The following CASS4 variants were observed in gnomAD, a reference collection of about 807,000 sequenced individuals.
CASS4 encodes the protein Cas scaffold protein family member 4, also known as cas scaffolding protein family member 4.
In CASS4, 22 loss-of-function variants were observed where a neutral mutation model predicts 54.2. The ratio of observed to expected loss-of-function variants is 0.41; its 90% CI spans 0.29 to 0.58. The LOEUF (loss-of-function observed/expected upper bound fraction) is 0.58. CASS4 is among the 20% of genes least tolerant of loss of function. The pLI is 0.36. For missense variants in CASS4, 854 were observed against 986.7 expected (o/e 0.87, Z 1.80); for synonymous variants, 409 against 391.5 (o/e 1.04, Z -0.53).
intron 1 of CASS4, among the ~76,000 whole-genome samples, chr20:56,424,678 T>C (rs533661394): frequency 3.4e-5 from 5 of 146,500 alleles, no homozygotes; most frequent in Admixed American, 7.1e-5. Flanking sequence ...GTGGCAGAGG[T>C]TGCAGTGAGC....
intron 1 of CASS4, among the ~76,000 whole-genome samples, chr20:56,435,087 T>C (rs1980092354): frequency 6.6e-6 from 1 of 152,254 alleles, no homozygotes; most frequent in South Asian, 2.1e-4. Context: ...GGATGTTCAA[T>C]GTCTTTCTGG....
At position 56,430,092 on chromosome 20, in the gene CASS4, G is replaced by A. The variant is rs1979832750; in HGVS notation, c.37-7072G>A. Among the ~76,000 whole-genome samples the A allele has an allele frequency of 6.6e-6, 1 of 152,106 alleles. No homozygotes were observed. Among genetic ancestry groups the A allele is most frequent in the African/African-American group, 2.4e-5 (1 of 41,412 alleles). On this transcript the variant is annotated intron_variant, in intron 1 of 5. Transcript: ENST00000679887. The surrounding 1 kb of genome is among the most constrained non-coding windows in gnomAD (Gnocchi z 4.2). ...TACACGTGATGCTCAATACAATCTT[G>A]GTGAATGAATGAATGAATGAATTGC...
chr20:56,456,675 C>A (rs1981313157), intron 5 of CASS4, among the ~76,000 whole-genome samples: 1 of 145,038 alleles, frequency 6.9e-6, no homozygotes, highest in Non-Finnish European at 1.5e-5. Flanking sequence ...GTGCCCAGCT[C>A]CCTTTTTTAT....
chr20:56,426,990 G>A (rs1292438440), intron 1 of CASS4, among the ~76,000 whole-genome samples: 2 of 152,044 alleles, frequency 1.3e-5, no homozygotes, highest in African/African-American at 4.8e-5. Context: ...ACACTTTCCA[G>A]ATCATCTTTG....
rs893083680 is a variant in CASS4, at chr20:56,431,699, G to A, written c.37-5465G>A. 9.2e-5 allele frequency among the ~76,000 whole-genome samples: 14 copies of A among 152,154 alleles called. 1 individual carries two copies. In the East Asian group the frequency reaches 1.5e-3, roughly 17 times the overall value. On this transcript the variant is annotated intron_variant, in intron 1 of 5. Transcript: ENST00000679887. Reference sequence around the variant, plus strand: ...CCTTACTTTTACAATAGGCAAATCCGCCAGCTAAGCTGCATTCAATCTGGA... The same window carrying A: ...CCTTACTTTTACAATAGGCAAATCCACCAGCTAAGCTGCATTCAATCTGGA...
chr20:56,451,771 C>A, intron 4 of CASS4, 48 bp from the exon 5 acceptor site: 1 of 1,444,488 alleles, frequency 6.9e-7, no homozygotes. Context: ...CACTCGCGCC[C>A]TCTTTGGAAA....
intron 1 of CASS4, among the ~76,000 whole-genome samples, chr20:56,436,348 G>GTA (rs1980159917): frequency 7.0e-6 from 1 of 143,722 alleles, no homozygotes; most frequent in Non-Finnish European, 1.5e-5. Flanking sequence ...GTGTGTGTGT[G>GTA]TGTGTGTGTG....
intron 1 of CASS4, among the ~76,000 whole-genome samples, chr20:56,416,730 A>T (rs1979156764): frequency 6.6e-6 from 1 of 152,088 alleles, no homozygotes; most frequent in Non-Finnish European, 1.5e-5. Flanking sequence ...AGAATTTCTG[A>T]TATTTGATTC....
chr20:56,431,426 G>A (rs1979898091), intron 1 of CASS4, among the ~76,000 whole-genome samples: 1 of 152,152 alleles, frequency 6.6e-6, no homozygotes, highest in African/African-American at 2.4e-5. Context: ...CCTGTCAATT[G>A]TAATGAAACG....
chr20:56,424,511 C>T (rs1219206035), intron 1 of CASS4, among the ~76,000 whole-genome samples: 2 of 151,890 alleles, frequency 1.3e-5, no homozygotes, highest in African/African-American at 2.4e-5. Context: ...GAGGTCAAGG[C>T]GGGTGGATCA....
intron 1 of CASS4, among the ~76,000 whole-genome samples, chr20:56,417,233 C>T (rs554719421): frequency 6.6e-6 from 1 of 152,296 alleles, no homozygotes; most frequent in South Asian, 2.1e-4. Context: ...GTGAGCAAGA[C>T]ATTTCAAACT....
At chr20:56,451,790 C>A in intron 4 of CASS4, 29 bp from the exon 5 acceptor site, 1 of 1,559,142 alleles carries the variant, frequency 6.4e-7, no homozygotes, top group Non-Finnish European at 8.8e-7. Context: ...AAGCTACTAA[C>A]CCGGCAACTA....
Position 56,414,077 on chromosome 20 carries a change from T to G in CASS4, c.36+1583T>G, listed in dbSNP as rs945375884. Among the ~76,000 whole-genome samples the G allele has an allele frequency of 6.6e-6, 1 of 152,356 alleles. No individual in the cohort carries two copies. Among genetic ancestry groups the G allele is most frequent in the South Asian group, 2.1e-4 (1 of 4,828 alleles). On this transcript the variant is annotated intron_variant, in intron 1 of 5. Transcript: ENST00000679887. The surrounding 1 kb of genome is among the most constrained non-coding windows in gnomAD (Gnocchi z 4.1). ...TTCATCTACAGAACGTAGAAGAATA[T>G]CTACATATCATCATACCCAAGAACA... is the stretch of plus-strand genomic sequence containing the variant.
intron 1 of CASS4, among the ~76,000 whole-genome samples, chr20:56,434,724 A>G (rs918298781): frequency 1.3e-4 from 20 of 151,984 alleles, no homozygotes; most frequent in African/African-American, 4.8e-4. Context: ...GATTACAGAC[A>G]TGAGCCACTG....
intron 3 of CASS4, 79 bp downstream of exon 3, chr20:56,446,080 G>A (rs1260376010): frequency 6.6e-6 from 6 of 905,688 alleles, no homozygotes; most frequent in Non-Finnish European, 6.9e-6. Flanking sequence ...TGCCCACATT[G>A]CATTTCAGCA....
At position 56,414,865 on chromosome 20, in the gene CASS4, TTA is replaced by T. The variant is rs200561357; in HGVS notation, c.36+2384_36+2385del. On this transcript the variant is annotated intron_variant, in intron 1 of 5. Coordinates refer to ENST00000679887, the MANE Select transcript of CASS4 (RefSeq NM_020356.4). This position sits in a 1 kb window ranked among gnomAD's most constrained non-coding sequence, Gnocchi z 4.1. ...GGGAGGCTGAGGCAGGAGAATTGCT[TTA>T]TATATATATATAAATAGTAGCCAAC... 6.6e-6 allele frequency among the ~76,000 whole-genome samples: 1 copy of T among 151,794 alleles called. No homozygotes were observed. Among genetic ancestry groups the T allele is most frequent in the Admixed American group, 6.6e-5 (1 of 15,214 alleles).
At chr20:56,436,372 A>G (rs202098954) in intron 1 of CASS4, among the ~76,000 whole-genome samples, 10 of 141,350 alleles carry the variant, frequency 7.1e-5, no homozygotes, top group African/African-American at 2.4e-4. Flanking sequence ...ATATATATAT[A>G]TGTATATATA....
intron 2 of CASS4, among the ~76,000 whole-genome samples, chr20:56,438,269 G>A (rs774460204): frequency 1.4e-5 from 2 of 139,140 alleles, no homozygotes; most frequent in African/African-American, 2.7e-5. Flanking sequence ...CAGCCTCGGT[G>A]GCAGTGAGAA....
At chr20:56,441,024 T>C (rs1320425605) in intron 2 of CASS4, among the ~76,000 whole-genome samples, 2 of 150,448 alleles carry the variant, frequency 1.3e-5, no homozygotes, top group Admixed American at 6.6e-5. Context: ...AATCTCGCTC[T>C]GTCACCCAGG....
Sources: gnomAD v4.1 joint callset for allele counts (sites outside exome capture counted in the v4.1 genomes callset) on GRCh38, gnomAD v4.1.1 for gene constraint, Gnocchi (gnomAD v3.1) non-coding constraint, MANE v1.5 for transcripts, NCBI Gene and HGNC (gene_info 2026-07-23, HGNC 2026-07-21) for gene names.